The following LUZP2 variants were observed in gnomAD, a reference collection of about 807,000 sequenced individuals.
The protein encoded by LUZP2 is leucine zipper protein 2.
Under a neutral mutation model 51.6 loss-of-function variants are expected in LUZP2, and 52 were observed. The observed-to-expected ratio is 1.01, with a 90% CI of 0.81 to 1.27. The LOEUF (loss-of-function observed/expected upper bound fraction) is 1.27, where lower values mean the gene tolerates loss of function less well. LUZP2 is among the 50% of genes most tolerant of loss of function. The pLI is 0.00. For synonymous variants in LUZP2, 154 were observed against 137.3 expected (o/e 1.12, Z -0.85); for missense variants, 436 against 395.4 (o/e 1.10, Z -0.87).
chr11:24,638,341 A>AAATTAAATTTCTAGTATAAT (rs1855172619), intron 1 of LUZP2, among the ~76,000 whole-genome samples: 1 of 151,714 alleles, frequency 6.6e-6, no homozygotes, highest in South Asian at 2.1e-4. Context: ...AATTTAATAA[A>AAATTAAATTTCTAGTATAAT]AATTAAATTT....
intron 1 of LUZP2, among the ~76,000 whole-genome samples, chr11:24,659,798 T>C (rs1855954757): frequency 6.6e-6 from 1 of 152,112 alleles, no homozygotes; most frequent in African/African-American, 2.4e-5. Flanking sequence ...GTAGGAAGGA[T>C]TATAACATGG....
At chr11:24,629,313 A>T (rs565919437) in intron 1 of LUZP2, among the ~76,000 whole-genome samples, 2 of 151,918 alleles carry the variant, frequency 1.3e-5, no homozygotes, top group East Asian at 3.9e-4. Flanking sequence ...GCTCCAAATT[A>T]TGAATGAGAA....
chr11:24,617,688 G>C (rs1854335338), intron 1 of LUZP2, among the ~76,000 whole-genome samples: 1 of 151,994 alleles, frequency 6.6e-6, no homozygotes, highest in South Asian at 2.1e-4. Flanking sequence ...GGGCATAGTG[G>C]AGGGCACCTG....
intron 5 of LUZP2, among the ~76,000 whole-genome samples, chr11:24,818,913 T>C (rs1306474107): frequency 1.3e-5 from 2 of 152,110 alleles, no homozygotes; most frequent in Admixed American, 1.3e-4. Flanking sequence ...TCTGTTCTGC[T>C]AATTATTTTA....
intron 9 of LUZP2, among the ~76,000 whole-genome samples, chr11:25,044,762 A>ATG (rs1009748261): frequency 6.5e-4 from 99 of 151,992 alleles, no homozygotes; most frequent in African/African-American, 2.3e-3. Context: ...ATGCGCACGT[A>ATG]TGTTTATTGC....
chr11:24,845,198 C>A (rs921153860), intron 5 of LUZP2, among the ~76,000 whole-genome samples: 4 of 152,180 alleles, frequency 2.6e-5, no homozygotes, highest in African/African-American at 7.2e-5. Flanking sequence ...TGCCTAAGAC[C>A]ATGGGAACCC....
intron 1 of LUZP2, among the ~76,000 whole-genome samples, chr11:24,717,447 C>T (rs1472578066): frequency 4.2e-5 from 6 of 143,268 alleles, no homozygotes; most frequent in Non-Finnish European, 9.0e-5. Flanking sequence ...ATTGCCTTGT[C>T]GCCCAGGTGG....
At chr11:24,988,516 A>G (rs971321778) in intron 9 of LUZP2, among the ~76,000 whole-genome samples, 40 of 152,044 alleles carry the variant, frequency 2.6e-4, no homozygotes, top group Non-Finnish European at 5.0e-4. Flanking sequence ...ATTATGAGAC[A>G]TGTTACTGAA....
chr11:24,943,593 C>A lies in LUZP2; in HGVS notation c.522+29055C>A, dbSNP rs143845674. On this transcript the variant is annotated intron_variant, in intron 7 of 11. Coordinates refer to ENST00000336930, the MANE Select transcript of LUZP2 (RefSeq NM_001009909.4). The stretch of plus-strand genomic sequence containing the variant: ...TAACTTATTTTGTCAATAAAATATT[C>A]ATGGCTGGTCATGGTGGCTCATGCC... Among the ~76,000 whole-genome samples, 317 of 152,130 alleles carry A rather than the reference C, an allele frequency of 2.1e-3. 5 individuals are homozygous for A. The highest frequency in any genetic ancestry group is 7.1e-3 in the African/African-American group (295 of 41,528).
rs542334563 is a variant in LUZP2 at position 24,512,138 on chromosome 11, G to A, written c.62+14833G>A. On this transcript the variant is annotated intron_variant, in intron 1 of 11. Coordinates refer to ENST00000336930, the MANE Select transcript of LUZP2 (RefSeq NM_001009909.4). ...AGATGATGTATATTGGGCTGAACAGGGGAAGAAGTGAAACCAAGATGGTGC... is the reference window on the plus strand; with the variant it reads ...AGATGATGTATATTGGGCTGAACAGAGGAAGAAGTGAAACCAAGATGGTGC... 7.2e-5 allele frequency among the ~76,000 whole-genome samples: 11 copies of A among 152,288 alleles called. No homozygotes were observed. In the South Asian group the frequency reaches 2.1e-3, roughly 29 times the overall value.
At chr11:24,661,583 G>A (rs961320144) in intron 1 of LUZP2, among the ~76,000 whole-genome samples, 30 of 152,246 alleles carry the variant, frequency 2.0e-4, no homozygotes, top group African/African-American at 6.7e-4. Flanking sequence ...GTAATTTTCA[G>A]TACATTGGAT....
At chr11:24,693,876 C>T (rs1258631481) in intron 1 of LUZP2, among the ~76,000 whole-genome samples, 1 of 151,916 alleles carries the variant, frequency 6.6e-6, no homozygotes, top group Non-Finnish European at 1.5e-5. Flanking sequence ...CATGCCTACC[C>T]TCTCCAGTTT....
At chr11:24,539,594 C>T (rs1851291127) in intron 1 of LUZP2, among the ~76,000 whole-genome samples, 1 of 151,934 alleles carries the variant, frequency 6.6e-6, no homozygotes, top group African/African-American at 2.4e-5. Flanking sequence ...GTAAATATTC[C>T]TGCATCACAC....
At chr11:24,732,087 T>A in intron 2 of LUZP2, 31 bp from the exon 3 acceptor site, 1 of 1,568,204 alleles carries the variant, frequency 6.4e-7, no homozygotes. Flanking sequence ...CTCACCTGAA[T>A]AAAACTTCAT....
rs57741208 is a variant in LUZP2 at position 24,607,341 on chromosome 11, C to CTTTTTTTTTTT, written c.62+110055_62+110065dup. Reference sequence around the variant, plus strand: ...GTGGTATAAGATGGGGATATTATGTCTTTTTTTTTTTTTTTTTTTTTTTTT... The same window carrying CTTTTTTTTTTT: ...GTGGTATAAGATGGGGATATTATGTCTTTTTTTTTTTTTTTTTTTTTTTTTTTTTTTTTTTT... On this transcript the variant is annotated intron_variant, in intron 1 of 11. Transcript: ENST00000336930. Among the ~76,000 whole-genome samples the CTTTTTTTTTTT allele has an allele frequency of 5.4e-4, 34 of 63,408 alleles. 2 individuals carry two copies. The highest frequency in any genetic ancestry group is 1.4e-3 in the African/African-American group (25 of 18,234). The allele number at this position is 63,408 out of a possible 152,430, so 41.6% of individuals were successfully genotyped here.
intron 5 of LUZP2, among the ~76,000 whole-genome samples, chr11:24,840,915 T>C (rs1406738935): frequency 6.6e-6 from 1 of 152,036 alleles, no homozygotes; most frequent in Admixed American, 6.6e-5. Flanking sequence ...TCTCCAACTT[T>C]ATAAGAGGTG....
At chr11:25,065,190 A>G (rs1414849307) in intron 10 of LUZP2, among the ~76,000 whole-genome samples, 1 of 151,994 alleles carries the variant, frequency 6.6e-6, no homozygotes, top group Non-Finnish European at 1.5e-5. Flanking sequence ...TTGGTCATGC[A>G]TTGTCTCTGG....
chr11:24,896,252 G>A (rs1233314842), intron 5 of LUZP2, among the ~76,000 whole-genome samples: 3 of 152,166 alleles, frequency 2.0e-5, no homozygotes, highest in East Asian at 1.9e-4. Context: ...GGCCGAGGCC[G>A]GAGCCAGCTC....
intron 1 of LUZP2, among the ~76,000 whole-genome samples, chr11:24,537,549 A>T (rs1171800152): frequency 6.6e-6 from 1 of 151,940 alleles, no homozygotes; most frequent in Non-Finnish European, 1.5e-5. Context: ...TTTAAATAAA[A>T]CACATATATA....
Sources: gnomAD v4.1 joint callset for allele counts (sites outside exome capture counted in the v4.1 genomes callset) on GRCh38, gnomAD v4.1.1 for gene constraint, MANE v1.5 for transcripts, NCBI Gene and HGNC (gene_info 2026-07-23, HGNC 2026-07-21) for gene names.